The following SYNE1 variants were observed in gnomAD, a reference collection of about 807,000 sequenced individuals.
SYNE1 encodes the protein spectrin repeat containing nuclear envelope protein 1, also known as nesprin-1.
In SYNE1, 616 loss-of-function variants were observed where a neutral mutation model predicts 1,111.0. That is an observed-to-expected ratio of 0.55 (90% CI 0.52 to 0.59). The LOEUF is 0.59. Ranked by LOEUF, SYNE1 falls within the 20% of genes least tolerant of loss-of-function variation. SYNE1 has a pLI of 0.00. For missense variants in SYNE1, 10,006 were observed against 10,417.0 expected (o/e 0.96, Z 1.72); for synonymous variants, 3,855 against 3,825.8 (o/e 1.01, Z -0.28).
chr6:152,377,640 AATATATATATATATATAT>A (rs1369932106), intron 56 of SYNE1, among the ~76,000 whole-genome samples: 63 of 33,868 alleles, frequency 1.9e-3, no homozygotes, highest in African/African-American at 8.7e-3. Flanking sequence ...AAAAAAAAAA[AATATATATATATATATAT>A]ATATATATAT....
At chr6:152,404,159 A>T (rs1344816963) in intron 46 of SYNE1, 54 bp downstream of exon 46, 1 of 1,173,944 alleles carries the variant, frequency 8.5e-7, no homozygotes, top group African/African-American at 1.5e-5. Context: ...AGTCTAGTAT[A>T]TGGTAGTAAT....
intron 125 of SYNE1, among the ~76,000 whole-genome samples, chr6:152,207,168 C>T (rs1196956080): frequency 3.3e-5 from 5 of 152,104 alleles, no homozygotes; most frequent in Non-Finnish European, 7.4e-5. Flanking sequence ...AGAAGTATAG[C>T]TCTCAAATTA....
chr6:152,554,171 C>A (rs536288717), intron 3 of SYNE1, among the ~76,000 whole-genome samples: 196 of 152,164 alleles, frequency 1.3e-3, no homozygotes, highest in African/African-American at 4.5e-3. Flanking sequence ...GCTGCACCAG[C>A]TACAATGTTA....
At chr6:152,340,406 T>C (rs1327558818) in intron 74 of SYNE1, among the ~76,000 whole-genome samples, 1 of 152,206 alleles carries the variant, frequency 6.6e-6, no homozygotes, top group Non-Finnish European at 1.5e-5. Flanking sequence ...CTCAGAACTA[T>C]TGACAGTTGA....
intron 72 of SYNE1, among the ~76,000 whole-genome samples, chr6:152,347,832 C>A (rs1346990779): frequency 6.6e-6 from 1 of 150,932 alleles, no homozygotes; most frequent in African/African-American, 2.4e-5. Context: ...AGGTGCCCAC[C>A]ACCACACCTG....
At chr6:152,373,336 G>C in intron 58 of SYNE1, 117 bp from the exon 59 acceptor site, 1 of 945,508 alleles carries the variant, frequency 1.1e-6, no homozygotes, top group Non-Finnish European at 1.5e-6. Context: ...CTGGAGTGCA[G>C]TAGTGCGATC....
At chr6:152,604,603 C>T (rs931958895) in intron 3 of SYNE1, among the ~76,000 whole-genome samples, 1 of 152,016 alleles carries the variant, frequency 6.6e-6, no homozygotes, top group Admixed American at 6.6e-5. Flanking sequence ...TGTGCCCATC[C>T]CAGCTATTTT....
chr6:152,344,208 T>C lies in SYNE1; in HGVS notation c.12098A>G (p.His4033Arg). 1 of 1,614,250 alleles carries C rather than the reference T, an allele frequency of 6.2e-7. No homozygotes were observed. The highest frequency in any genetic ancestry group is 8.5e-7 in the Non-Finnish European group (1 of 1,180,048). Reference sequence around the variant, plus strand: ...TCGGCTGACGTGCTTCTGAAGTTCGTGTTCCAAACTCTGGTACATCTGAGA... The same window carrying C: ...TCGGCTGACGTGCTTCTGAAGTTCGCGTTCCAAACTCTGGTACATCTGAGA... ...TAQRMYQSLEHELQKHVSRQD... is the reference protein window; with the variant it reads ...TAQRMYQSLERELQKHVSRQD... Residue 4033 changes from histidine (H) to arginine (R), a missense_variant, in exon 74 of 146, where the codon CAC becomes CGC. This residue lies in a region of SYNE1 where 4,955 missense variants were observed against 5,017.2 expected (regional missense o/e 0.99). Coordinates refer to ENST00000367255, the MANE Select transcript of SYNE1 (RefSeq NM_182961.4).
Position 152,274,744 on chromosome 6 carries a change from C to T in SYNE1, c.18573+3345G>A, listed in dbSNP as rs183010367. Among the ~76,000 whole-genome samples, 458 of 152,080 alleles carry T rather than the reference C, an allele frequency of 3.0e-3. 3 individuals are homozygous for T. The highest frequency in any genetic ancestry group is 0.01 in the African/African-American group (426 of 41,488). ...CCTGAGTAGCTGGGATTACAGGTTC[C>T]CACCACCACACCTGGCTAATTTTGT... On this transcript the variant is annotated intron_variant, in intron 98 of 145. Coordinates refer to ENST00000367255, the MANE Select transcript of SYNE1 (RefSeq NM_182961.4).
At chr6:152,489,586 C>T (rs9397518) in intron 11 of SYNE1, among the ~76,000 whole-genome samples, 77,088 of 151,774 alleles carry the variant, frequency 0.51, 20,919 homozygotes, top group East Asian at 0.76. Flanking sequence ...GTAGCATGTC[C>T]AGTACAGAGG....
chr6:152,441,055 TA>T, intron 32 of SYNE1, 74 bp downstream of exon 32: 1 of 1,548,130 alleles, frequency 6.5e-7, no homozygotes, highest in Non-Finnish European at 8.9e-7. Context: ...TTAATAGTAA[TA>T]ATGGAGGAGA....
chr6:152,201,031 G>A (rs1484721554), intron 127 of SYNE1, among the ~76,000 whole-genome samples: 4 of 152,160 alleles, frequency 2.6e-5, no homozygotes, highest in African/African-American at 4.8e-5. Flanking sequence ...AAGTATATGC[G>A]AATTTTTAAC....
At chr6:152,174,254 T>C (rs966549383) in intron 130 of SYNE1, among the ~76,000 whole-genome samples, 9 of 152,338 alleles carry the variant, frequency 5.9e-5, no homozygotes, top group African/African-American at 1.9e-4. Flanking sequence ...AGGATATTTA[T>C]AGCTTGAAGG....
In SYNE1 at chr6:152,367,220, C is replaced by G; in HGVS notation, c.9970G>C (p.Glu3324Gln). 6.2e-7 allele frequency: 1 copy of G among 1,614,178 alleles called. No homozygotes were observed. Residue 3324 changes from glutamate (E) to glutamine (Q), a missense_variant and splice_region_variant, in exon 62 of 146, where the codon GAG becomes CAG. Glu to Gln is a conservative substitution (Grantham distance 29, BLOSUM62 2). Around this residue, in one of 7 missense-constraint regions of SYNE1, gnomAD observed 4,955 missense variants for 5,017.2 expected, o/e 0.99. Coordinates refer to ENST00000367255, the MANE Select transcript of SYNE1 (RefSeq NM_182961.4). ...SVLDSRTLKLEALLSVKQEKE... is the reference protein window; with the variant it reads ...SVLDSRTLKLQALLSVKQEKE... ...TATTTCTGTGTAAAGATGCACACCT[C>G]GAGCTTGAGCGTCCTGCTGTCCAGC...
chr6:152,510,132 A>C lies in SYNE1; in HGVS notation c.581+61T>G, dbSNP rs908721680. ...CATTTCGCAATCATTAGAAGTTGCA[A>C]TTAGTAACATTCATAACTCAATTTA... On this transcript the variant is annotated intron_variant, in intron 8 of 145. Transcript: ENST00000367255. 2.0e-6 allele frequency: 3 copies of C among 1,530,144 alleles called. No individual in the cohort carries two copies. The South Asian group carries it at 3.4e-5, about 17-fold the overall frequency. The allele number at this position is 1,530,144 out of a possible 1,614,324, so 94.8% of individuals were successfully genotyped here.
In SYNE1 at chr6:152,387,182, G is replaced by C. The variant is rs774658323; in HGVS notation, c.8377C>G (p.Leu2793Val). The change falls in exon 54 of 146, where the codon CTA (leucine) becomes GTA (valine). Residue 2793 changes from leucine to valine, a missense_variant. Leu to Val is a conservative substitution (Grantham distance 32). This residue lies in a region of SYNE1 where 4,955 missense variants were observed against 5,017.2 expected (regional missense o/e 0.99). Coordinates refer to ENST00000367255, the MANE Select transcript of SYNE1 (RefSeq NM_182961.4). Reference protein sequence around the residue: ...AEDHTRALHRLIAKSRELYEK... With the variant: ...AEDHTRALHRVIAKSRELYEK... ...TAGAGCTCCCTGGACTTCGCAATTA[G>C]ACGGTGAAGGGCTCTCGTGTGATCT... The C allele has an allele frequency of 6.2e-7, 1 of 1,614,160 alleles. No homozygotes were observed. Among genetic ancestry groups the C allele is most frequent in the Non-Finnish European group, 8.5e-7 (1 of 1,180,028 alleles).
At chr6:152,268,562 C>T (rs2092933822) in intron 99 of SYNE1, among the ~76,000 whole-genome samples, 1 of 152,056 alleles carries the variant, frequency 6.6e-6, no homozygotes, top group African/African-American at 2.4e-5. Context: ...ATTAGGTTAT[C>T]AATAGATTTG....
chr6:152,205,633 C>T (rs2076368052), intron 126 of SYNE1, among the ~76,000 whole-genome samples: 1 of 152,248 alleles, frequency 6.6e-6, no homozygotes, highest in African/African-American at 2.4e-5. Context: ...GATAAATCTA[C>T]ATTTTCCAAA....
At position 152,293,664 on chromosome 6, in the gene SYNE1, A is replaced by G. The variant is rs763611174; in HGVS notation, c.17936T>C (p.Met5979Thr). ...QDSLQSISTK[M>T]EAIELKLSES... ...ACTGAGTTTCAGCTCAATGGCCTCCATCTTCGTAGAGATGGACTGGAGGGA... is the reference window on the plus strand; with the variant it reads ...ACTGAGTTTCAGCTCAATGGCCTCCGTCTTCGTAGAGATGGACTGGAGGGA... The change falls in exon 95 of 146, where the codon ATG (methionine) becomes ACG (threonine). Residue 5979 changes from methionine to threonine, a missense_variant. Transcript: ENST00000367255. 6.2e-7 allele frequency: 1 copy of G among 1,614,116 alleles called. No individual in the cohort carries two copies. Among genetic ancestry groups the G allele is most frequent in the Non-Finnish European group, 8.5e-7 (1 of 1,180,006 alleles).
Sources: allele counts gnomAD v4.1 joint callset (sites outside exome capture counted in the v4.1 genomes callset), GRCh38; gene constraint gnomAD v4.1.1; regional missense constraint gnomAD v4.1.1; transcripts MANE v1.5; gene names NCBI Gene and HGNC (gene_info 2026-07-23, HGNC 2026-07-21).